Variants in TSPAN15 observed in about 807,000 individuals in gnomAD.
TSPAN15 encodes the protein tetraspanin 15, also known as tetraspanin-15.
In TSPAN15, 20 loss-of-function variants were observed where a neutral mutation model predicts 34.5. The ratio of observed to expected loss-of-function variants is 0.58; its 90% CI spans 0.41 to 0.84. The LOEUF is 0.84. Among genes scored for constraint, TSPAN15 ranks in the 40% least tolerant of loss-of-function variants. The pLI, the probability that TSPAN15 is intolerant of heterozygous loss-of-function variation, is 0.00. For missense variants in TSPAN15, 313 were observed against 386.1 expected, an observed-to-expected ratio of 0.81 and a Z score of 1.59; for synonymous variants, 155 against 153.9, an observed-to-expected ratio of 1.01 and a Z score of -0.05.
At chr10:69,539,464 G>GAAAAAGAAGA in the TSPAN15 span, among the ~76,000 whole-genome samples, 2 of 51,344 alleles carry the variant, frequency 3.9e-5, no homozygotes, top group Admixed American at 4.7e-4. Context: ...GAAGAAGAAG[G>GAAAAAGAAGA]AGAAGGAGAA....
At chr10:69,546,339 G>T in the TSPAN15 span, among the ~76,000 whole-genome samples, 1 of 152,142 alleles carries the variant, frequency 6.6e-6, no homozygotes, top group Non-Finnish European at 1.5e-5. Context: ...GAATGTGCCT[G>T]GGGTTTATTC....
chr10:69,490,379 C>G (rs572109491), intron 3 of TSPAN15, among the ~76,000 whole-genome samples: 4 of 152,314 alleles, frequency 2.6e-5, no homozygotes, highest in African/African-American at 9.6e-5. Context: ...TGAATATAAC[C>G]TACACACATC....
chr10:69,530,605 A>G, the TSPAN15 span, among the ~76,000 whole-genome samples: 1 of 145,750 alleles, frequency 6.9e-6, no homozygotes, highest in African/African-American at 2.5e-5. Context: ...CAGGAGTTCG[A>G]GACCAGCCTG....
At chr10:69,485,795 TGG>T (rs1841840525) in intron 3 of TSPAN15, among the ~76,000 whole-genome samples, 1 of 151,878 alleles carries the variant, frequency 6.6e-6, no homozygotes, top group Non-Finnish European at 1.5e-5. Context: ...ATCCTGGGAA[TGG>T]GGTAAGATTG....
At chr10:69,540,052 G>A in the TSPAN15 span, among the ~76,000 whole-genome samples, 1 of 151,630 alleles carries the variant, frequency 6.6e-6, no homozygotes, top group Non-Finnish European at 1.5e-5. Context: ...CATGATGCCC[G>A]GCTAATTTTT....
chr10:69,467,034 C>T (rs736594), intron 1 of TSPAN15, among the ~76,000 whole-genome samples: 58,662 of 152,060 alleles, frequency 0.39, 12,013 homozygotes, highest in Non-Finnish European at 0.45. Flanking sequence ...CCTCCTTTCC[C>T]GGCTGCCACT....
intron 5 of TSPAN15, among the ~76,000 whole-genome samples, chr10:69,501,037 A>G (rs773780438): frequency 1.1e-4 from 16 of 152,184 alleles, no homozygotes; most frequent in Non-Finnish European, 1.5e-4. Context: ...TGGGCGATGA[A>G]TGAAAGAGAG....
In TSPAN15 at chr10:69,507,550, A is replaced by G; in HGVS notation, c.*572A>G. ...ATTTTTGTAACATTCATTTTTTTGT[A>G]CAGATAACAGGAGTTTCTGACTAAT... On this transcript the variant is annotated 3_prime_UTR_variant, in exon 8 of 8. Transcript: ENST00000373290. 1.5e-6 allele frequency: 2 copies of G among 1,303,886 alleles called. No homozygotes were observed. The highest frequency in any genetic ancestry group is 2.0e-6 in the Non-Finnish European group (2 of 988,900). 80.8% of individuals were successfully genotyped at this position (1,303,886 alleles called of 1,614,324 possible).
At chr10:69,536,674 C>G in the TSPAN15 span, among the ~76,000 whole-genome samples, 1 of 152,114 alleles carries the variant, frequency 6.6e-6, no homozygotes. Flanking sequence ...TTCCTGATGT[C>G]TCTCTCTTCT....
the TSPAN15 span, among the ~76,000 whole-genome samples, chr10:69,516,975 C>T: frequency 2.6e-3 from 397 of 152,270 alleles, 3 homozygotes; most frequent in African/African-American, 9.2e-3. Context: ...TCACTGGATC[C>T]CATGTGTGAG....
chr10:69,489,632 G>A (rs747336982), intron 3 of TSPAN15, among the ~76,000 whole-genome samples: 4 of 152,204 alleles, frequency 2.6e-5, no homozygotes, highest in South Asian at 4.1e-4. Context: ...CACAGACCAC[G>A]GCCACAGCCA....
intron 5 of TSPAN15, 91 bp downstream of exon 5, chr10:69,498,487 G>T: frequency 9.8e-7 from 1 of 1,017,048 alleles, no homozygotes; most frequent in Non-Finnish European, 1.5e-6. Context: ...TTGAAGATGG[G>T]TGGTGTGGGT....
At chr10:69,511,236 T>C (rs765163519), downstream of TSPAN15, among the ~76,000 whole-genome samples, 117 of 152,240 alleles carry the variant, frequency 7.7e-4, no homozygotes, top group African/African-American at 2.6e-3. Context: ...GGCTATTAAT[T>C]ACTGCCTCAA....
At chr10:69,455,279 C>T (rs1481238261) in intron 1 of TSPAN15, among the ~76,000 whole-genome samples, 6 of 151,990 alleles carry the variant, frequency 3.9e-5, no homozygotes, top group Admixed American at 1.3e-4. Context: ...TCTGAGCTAT[C>T]GTAGTCAAAG....
At chr10:69,519,932 A>AT in the TSPAN15 span, among the ~76,000 whole-genome samples, 1 of 152,130 alleles carries the variant, frequency 6.6e-6, no homozygotes, top group Admixed American at 6.5e-5. Context: ...GGGTTTCTCC[A>AT]TGTTGGCCAG....
At chr10:69,532,707 G>T in the TSPAN15 span, among the ~76,000 whole-genome samples, 1 of 152,168 alleles carries the variant, frequency 6.6e-6, no homozygotes. Context: ...AAGAGCCTTT[G>T]CACAGCAAAG....
chr10:69,522,798 G>T, the TSPAN15 span, among the ~76,000 whole-genome samples: 4 of 147,880 alleles, frequency 2.7e-5, no homozygotes, highest in South Asian at 8.5e-4. Flanking sequence ...CCATGAAACT[G>T]GTCCCTGGTG....
At chr10:69,526,298 A>C in the TSPAN15 span, among the ~76,000 whole-genome samples, 1 of 148,304 alleles carries the variant, frequency 6.7e-6, no homozygotes, top group African/African-American at 2.5e-5. Flanking sequence ...AACCATATGC[A>C]AGATTAAAAT....
the TSPAN15 span, among the ~76,000 whole-genome samples, chr10:69,539,464 G>GAAGGAGA: frequency 1.9e-5 from 1 of 51,370 alleles, no homozygotes; most frequent in Non-Finnish European, 3.7e-5. Context: ...GAAGAAGAAG[G>GAAGGAGA]AGAAGGAGAA....
Sources: allele counts gnomAD v4.1 joint callset (sites outside exome capture counted in the v4.1 genomes callset), GRCh38; gene constraint gnomAD v4.1.1; transcripts MANE v1.5; gene names NCBI Gene and HGNC (gene_info 2026-07-23, HGNC 2026-07-21).